MRAP2: variants seen among roughly 807,000 people sequenced by gnomAD.
The protein encoded by MRAP2 is melanocortin 2 receptor accessory protein 2, also known as melanocortin-2 receptor accessory protein 2.
MRAP2 carries 20 observed loss-of-function variants against 17.4 expected under a neutral mutation model. The observed-to-expected ratio is 1.15, with a 90% CI of 0.81 to 1.67. The LOEUF is 1.67. Among genes scored for constraint, MRAP2 ranks in the 40% most tolerant of loss-of-function variants. The pLI, the probability that MRAP2 is intolerant of heterozygous loss-of-function variation, is 0.00. For missense variants in MRAP2, 238 were observed against 240.0 expected (o/e 0.99, Z 0.05); for synonymous variants, 96 against 88.4 (o/e 1.09, Z -0.48).
At chr6:84,062,102 C>A in intron 2 of MRAP2, 2 of 985,452 alleles carry the variant, frequency 2.0e-6, no homozygotes, top group Non-Finnish European at 2.4e-6. Context: ...AATTGAGATG[C>A]TAACCAATTG....
chr6:84,057,405 T>G (rs17729906), intron 2 of MRAP2, among the ~76,000 whole-genome samples: 5 of 152,144 alleles, frequency 3.3e-5, no homozygotes, highest in Non-Finnish European at 7.4e-5. Flanking sequence ...TGGATCACAC[T>G]TGGCAACAAT....
chr6:84,047,608 T>G (rs1404413301), intron 1 of MRAP2, among the ~76,000 whole-genome samples: 1 of 152,232 alleles, frequency 6.6e-6, no homozygotes, highest in Non-Finnish European at 1.5e-5. Flanking sequence ...TATATTTACA[T>G]TGTTGTACAA....
At chr6:84,038,134 G>T (rs2099486632) in intron 1 of MRAP2, among the ~76,000 whole-genome samples, 1 of 152,230 alleles carries the variant, frequency 6.6e-6, no homozygotes, top group Admixed American at 6.5e-5. Context: ...GGAGCCAGGT[G>T]GGGCCACATG....
chr6:84,098,600 C>A, the MRAP2 span, among the ~76,000 whole-genome samples: 1 of 152,144 alleles, frequency 6.6e-6, no homozygotes, highest in Non-Finnish European at 1.5e-5. Flanking sequence ...TATGTGAATT[C>A]TGGTTGCTCC....
intron 1 of MRAP2, chr6:84,045,417 C>T: frequency 3.1e-6 from 3 of 982,962 alleles, no homozygotes; most frequent in Non-Finnish European, 1.2e-6. Context: ...CCACGAATGA[C>T]CTGCCCCCAG....
At chr6:84,079,101 T>A (rs1286440045) in intron 3 of MRAP2, among the ~76,000 whole-genome samples, 1 of 152,194 alleles carries the variant, frequency 6.6e-6, no homozygotes, top group Non-Finnish European at 1.5e-5. Flanking sequence ...CAAAGAGACT[T>A]TTCAACAACG....
At chr6:84,110,306 A>T in the MRAP2 span, among the ~76,000 whole-genome samples, 7,771 of 152,254 alleles carry the variant, frequency 0.051, 676 homozygotes, top group African/African-American at 0.18. Context: ...ATGGTATCTC[A>T]TTGTGGTTTT....
chr6:84,034,573 AG>A (rs1460427718), intron 1 of MRAP2, among the ~76,000 whole-genome samples: 1 of 150,354 alleles, frequency 6.7e-6, no homozygotes, highest in African/African-American at 2.5e-5. Context: ...GAAGGCAAAG[AG>A]TAGTCTCTGC....
the MRAP2 span, among the ~76,000 whole-genome samples, chr6:84,134,035 G>T: frequency 6.6e-6 from 1 of 152,134 alleles, no homozygotes; most frequent in Non-Finnish European, 1.5e-5. Context: ...TGGGGCTGCT[G>T]CCTTTAAGAG....
chr6:84,111,016 G>T, the MRAP2 span, among the ~76,000 whole-genome samples: 1 of 152,158 alleles, frequency 6.6e-6, no homozygotes, highest in African/African-American at 2.4e-5. Context: ...TTGTAGTATA[G>T]GTTGAAGCCA....
Position 84,089,538 on chromosome 6 carries a change from A to G in MRAP2, c.*57A>G. On this transcript the variant is annotated 3_prime_UTR_variant, in exon 4 of 4. Coordinates refer to ENST00000257776, the MANE Select transcript of MRAP2 (RefSeq NM_138409.4). ...ATGTGGATTCTATCTTTATGTAGCA[A>G]GAAATCTACATCCACCAAAATTGTG... 6.5e-7 allele frequency: 1 copy of G among 1,540,064 alleles called. No homozygotes were observed. The highest frequency in any genetic ancestry group is 1.9e-5 in the Admixed American group (1 of 53,002).
At chr6:84,047,168 A>T (rs956432361) in intron 1 of MRAP2, among the ~76,000 whole-genome samples, 2 of 151,796 alleles carry the variant, frequency 1.3e-5, no homozygotes, top group African/African-American at 4.8e-5. Context: ...ATTATTTTTT[A>T]AATTATTTGT....
At chr6:84,137,408 G>A in the MRAP2 span, among the ~76,000 whole-genome samples, 1 of 152,138 alleles carries the variant, frequency 6.6e-6, no homozygotes, top group Non-Finnish European at 1.5e-5. Flanking sequence ...GCAGCTAGCT[G>A]TAGAATATTT....
intron 3 of MRAP2, chr6:84,063,424 TACTCA>T (rs2129167754): frequency 1.0e-6 from 1 of 984,814 alleles, no homozygotes; most frequent in East Asian, 1.1e-4. Context: ...TGTTCCTGGA[TACTCA>T]ACTCAATTTA....
At chr6:84,111,589 G>A in the MRAP2 span, among the ~76,000 whole-genome samples, 10 of 151,930 alleles carry the variant, frequency 6.6e-5, no homozygotes, top group East Asian at 5.8e-4. Context: ...TTTGAATACC[G>A]TTTATTTCTT....
chr6:84,053,034 G>T (rs1401301734), intron 1 of MRAP2, among the ~76,000 whole-genome samples: 1 of 152,136 alleles, frequency 6.6e-6, no homozygotes, highest in African/African-American at 2.4e-5. Flanking sequence ...CCGGCCCCAT[G>T]AGGGTGGTGT....
intron 3 of MRAP2, among the ~76,000 whole-genome samples, chr6:84,087,628 CCA>C (rs200799237): frequency 5.3e-4 from 80 of 152,262 alleles, no homozygotes; most frequent in African/African-American, 1.9e-3. Context: ...ACAAAGAAGA[CCA>C]TGTAAATTTG....
chr6:84,067,034 C>A (rs113289488), intron 3 of MRAP2, among the ~76,000 whole-genome samples: 1 of 151,894 alleles, frequency 6.6e-6, no homozygotes, highest in Non-Finnish European at 1.5e-5. Flanking sequence ...TCCCTCACCC[C>A]CTCCTTCTCG....
chr6:84,113,340 G>A, the MRAP2 span, among the ~76,000 whole-genome samples: 1 of 152,170 alleles, frequency 6.6e-6, no homozygotes, highest in African/African-American at 2.4e-5. Flanking sequence ...TTACCATTAT[G>A]TAATACCCTT....
Sources: gnomAD v4.1 joint callset for allele counts (sites outside exome capture counted in the v4.1 genomes callset) on GRCh38, gnomAD v4.1.1 for gene constraint, MANE v1.5 for transcripts, NCBI Gene and HGNC (gene_info 2026-07-23, HGNC 2026-07-21) for gene names.